Variants in NALF1 observed in about 807,000 individuals in gnomAD.
The protein encoded by NALF1 is NALCN channel auxiliary factor 1.
NALF1 carries 3 observed loss-of-function variants against 48.4 expected under a neutral mutation model. The ratio of observed to expected loss-of-function variants is 0.06; its 90% CI spans 0.03 to 0.16. NALF1 has a LOEUF of 0.16. Among genes scored for constraint, NALF1 ranks in the 10% least tolerant of loss-of-function variants. The probability of loss-of-function intolerance (pLI) is 1.00; values close to 1 mark genes in which losing one functional copy is unlikely to be tolerated. For missense variants in NALF1, 526 were observed against 571.5 expected (o/e 0.92, Z 0.81); for synonymous variants, 262 against 245.7 (o/e 1.07, Z -0.62).
intron 1 of NALF1, among the ~76,000 whole-genome samples, chr13:107,275,550 ATTT>A (rs149489541): frequency 6.6e-6 from 1 of 150,728 alleles, no homozygotes. Context: ...TTGAGCAGTG[ATTT>A]TTTTTTTCTT....
At chr13:107,537,165 C>A (rs185830615) in intron 1 of NALF1, among the ~76,000 whole-genome samples, 6 of 152,026 alleles carry the variant, frequency 3.9e-5, no homozygotes, top group African/African-American at 1.2e-4. Context: ...ACCAACATGG[C>A]ACATGTATAC....
rs199648231 is a variant in NALF1, at chr13:107,586,586, AG to A, written c.915+279095del. On this transcript the variant is annotated intron_variant, in intron 1 of 2. Transcript: ENST00000375915. Reference sequence around the variant, plus strand: ...GTATTTTAGGAATATATTTTCAAAAAGTAATCACTCAGAGATCTCTTGCCTA... The same window carrying A: ...GTATTTTAGGAATATATTTTCAAAAATAATCACTCAGAGATCTCTTGCCTA... Among the ~76,000 whole-genome samples, 119 of 149,260 alleles carry A rather than the reference AG, an allele frequency of 8.0e-4. 2 individuals are homozygous for A. In the East Asian group the frequency reaches 0.018, roughly 22 times the overall value.
At chr13:107,862,534 G>C (rs1336526162) in intron 1 of NALF1, among the ~76,000 whole-genome samples, 1 of 151,946 alleles carries the variant, frequency 6.6e-6, no homozygotes, top group Non-Finnish European at 1.5e-5. Flanking sequence ...TAGTATTAAT[G>C]ATATAGTCAA....
chr13:107,414,454 T>C (rs943610911), intron 1 of NALF1, among the ~76,000 whole-genome samples: 2 of 150,932 alleles, frequency 1.3e-5, no homozygotes, highest in Admixed American at 6.6e-5. Context: ...TCTTCTATTA[T>C]ATTCGGTAAC....
chr13:107,761,579 G>A (rs1359148475), intron 1 of NALF1, among the ~76,000 whole-genome samples: 1 of 152,084 alleles, frequency 6.6e-6, no homozygotes, highest in Non-Finnish European at 1.5e-5. Flanking sequence ...GTCAGATTAG[G>A]TGCTAATTCT....
intron 1 of NALF1, among the ~76,000 whole-genome samples, chr13:107,318,756 T>A (rs894128092): frequency 1.3e-5 from 2 of 152,078 alleles, no homozygotes; most frequent in African/African-American, 4.8e-5. Flanking sequence ...ACAAGAATGT[T>A]CATGGTGACA....
At chr13:107,807,875 A>G (rs988460373) in intron 1 of NALF1, among the ~76,000 whole-genome samples, 1 of 152,172 alleles carries the variant, frequency 6.6e-6, no homozygotes, top group African/African-American at 2.4e-5. Context: ...GTACCAAACA[A>G]TGTTTACAAT....
chr13:107,796,487 T>G (rs1878428796), intron 1 of NALF1, among the ~76,000 whole-genome samples: 1 of 152,210 alleles, frequency 6.6e-6, no homozygotes, highest in Admixed American at 6.5e-5. Context: ...TAATATCACT[T>G]TTCACTGGTC....
intron 1 of NALF1, among the ~76,000 whole-genome samples, chr13:107,781,841 A>C (rs1449755818): frequency 6.6e-6 from 1 of 152,168 alleles, no homozygotes; most frequent in East Asian, 1.9e-4. Flanking sequence ...AACTAATACA[A>C]GTTTTATTAA....
intron 1 of NALF1, among the ~76,000 whole-genome samples, chr13:107,629,489 A>C (rs1021923716): frequency 6.6e-6 from 1 of 152,182 alleles, no homozygotes; most frequent in Non-Finnish European, 1.5e-5. Context: ...CAAGTCTGAT[A>C]ATTCCTCTTA....
At chr13:107,463,921 T>A (rs924338598) in intron 1 of NALF1, among the ~76,000 whole-genome samples, 1 of 152,228 alleles carries the variant, frequency 6.6e-6, no homozygotes, top group African/African-American at 2.4e-5. Flanking sequence ...AATCTAGTTT[T>A]TAAAAACTGA....
At chr13:107,542,295 A>G (rs561503993) in intron 1 of NALF1, among the ~76,000 whole-genome samples, 13 of 152,068 alleles carry the variant, frequency 8.5e-5, no homozygotes, top group Non-Finnish European at 1.8e-4. Flanking sequence ...GTATGGGACA[A>G]AAGTAGGTGA....
At chr13:107,525,419 C>T (rs1049087885) in intron 1 of NALF1, among the ~76,000 whole-genome samples, 1 of 152,082 alleles carries the variant, frequency 6.6e-6, no homozygotes, top group African/African-American at 2.4e-5. Flanking sequence ...CTTTGAGATT[C>T]ATCTATGTTG....
At chr13:107,786,243 G>A (rs900360689) in intron 1 of NALF1, among the ~76,000 whole-genome samples, 14 of 151,376 alleles carry the variant, frequency 9.2e-5, no homozygotes, top group African/African-American at 3.2e-4. Flanking sequence ...ATGGTGAAAC[G>A]CCATCTCTAC....
chr13:107,656,257 A>G (rs1350582660), intron 1 of NALF1, among the ~76,000 whole-genome samples: 1 of 152,170 alleles, frequency 6.6e-6, no homozygotes. Flanking sequence ...CAATCTATAC[A>G]TCTGACAAAG....
At chr13:107,819,703 CTCTCTCTCTCTCTCTGGAAACTG>C (rs1015298302) in intron 1 of NALF1, among the ~76,000 whole-genome samples, 1 of 150,102 alleles carries the variant, frequency 6.7e-6, no homozygotes, top group Non-Finnish European at 1.5e-5. Flanking sequence ...CTCTCTCTCT[CTCTCTCTCTCTCTCTGGAAACTG>C]TCTCTCTCTC....
At chr13:107,629,831 T>C (rs1879785018) in intron 1 of NALF1, among the ~76,000 whole-genome samples, 5 of 152,216 alleles carry the variant, frequency 3.3e-5, no homozygotes, top group Admixed American at 3.3e-4. Flanking sequence ...TATGTATGTG[T>C]ATGTATTCAT....
intron 1 of NALF1, among the ~76,000 whole-genome samples, chr13:107,444,222 T>C (rs1383377243): frequency 6.6e-6 from 1 of 152,204 alleles, no homozygotes; most frequent in Non-Finnish European, 1.5e-5. Context: ...TAATATTATT[T>C]TATGCAATGC....
At chr13:107,709,831 T>C (rs1875512490) in intron 1 of NALF1, among the ~76,000 whole-genome samples, 1 of 152,240 alleles carries the variant, frequency 6.6e-6, no homozygotes, top group African/African-American at 2.4e-5. Context: ...CAAACAGTTG[T>C]TGGCAATATA....
Sources: allele counts gnomAD v4.1 joint callset (sites outside exome capture counted in the v4.1 genomes callset), GRCh38; gene constraint gnomAD v4.1.1; transcripts MANE v1.5; gene names NCBI Gene and HGNC (gene_info 2026-07-23, HGNC 2026-07-21).